PCDH11X: variants seen among roughly 807,000 people sequenced by gnomAD.
PCDH11X encodes the protein protocadherin-11 X-linked.
Under a neutral mutation model 53.3 loss-of-function variants are expected in PCDH11X, and 18 were observed. The observed-to-expected ratio is 0.34, with a 90% CI of 0.23 to 0.50. The LOEUF is 0.50. PCDH11X is among the 20% of genes least tolerant of loss of function. The pLI, the probability that PCDH11X is intolerant of heterozygous loss-of-function variation, is 0.98. For synonymous variants in PCDH11X, 279 were observed against 393.3 expected (o/e 0.71, Z 3.44); for missense variants, 570 against 1,032.4 (o/e 0.55, Z 6.14).
intron 8 of PCDH11X, among the ~76,000 whole-genome samples, chrX:92,293,784 C>T (rs926958833): frequency 1.1e-4 from 12 of 106,655 alleles, no homozygotes; most frequent in Admixed American, 1.1e-3. Context: ...CTAACTAGTA[C>T]TTCTCAAAAC....
intron 4 of PCDH11X, among the ~76,000 whole-genome samples, chrX:91,832,615 C>A (rs1937152639): frequency 9.4e-6 from 1 of 106,312 alleles, no homozygotes; most frequent in Non-Finnish European, 1.9e-5. Flanking sequence ...GCATGTTGTG[C>A]ACATGTACCC....
chrX:92,051,660 A>C (rs1484494685), intron 6 of PCDH11X, among the ~76,000 whole-genome samples: 2 of 111,778 alleles, frequency 1.8e-5, no homozygotes, highest in Non-Finnish European at 3.8e-5. Flanking sequence ...CTAAGATTGT[A>C]TGATATTGGT....
At chrX:92,032,531 G>A (rs1214160567) in intron 6 of PCDH11X, among the ~76,000 whole-genome samples, 1 of 110,826 alleles carries the variant, frequency 9.0e-6, no homozygotes, top group Non-Finnish European at 1.9e-5. Flanking sequence ...AATAACAATG[G>A]TTAAAGTGGG....
Position 91,989,258 on chromosome X carries a change from A to T in PCDH11X, c.3033+109985A>T, listed in dbSNP as rs1396230842. ...ACATTTCTTGTGAAAAAAAAAAAGA[A>T]AAGAGAAAGAAGAAGAAAAGAAGGC... On this transcript the variant is annotated intron_variant, in intron 6 of 10. Transcript: ENST00000682573. 2.3e-4 allele frequency among the ~76,000 whole-genome samples: 26 copies of T among 111,408 alleles called. No homozygotes were observed. In the Admixed American group the frequency reaches 2.5e-3, roughly 11 times the overall value.
rs1198352578 is a variant in PCDH11X, at chrX:92,451,774, G to A, written c.3344-16525G>A. 7.2e-5 allele frequency among the ~76,000 whole-genome samples: 8 copies of A among 111,676 alleles called. No individual in the cohort carries two copies. In the Admixed American group the frequency reaches 7.7e-4, roughly 11 times the overall value. Reference sequence around the variant, plus strand: ...TGTAGTTGACTGCTTAACAGTATTCGATGATCAGAGAATACTTTAGTAGAC... The same window carrying A: ...TGTAGTTGACTGCTTAACAGTATTCAATGATCAGAGAATACTTTAGTAGAC... On this transcript the variant is annotated intron_variant, in intron 9 of 10. Transcript: ENST00000682573.
chrX:92,529,104 G>T, intron 10 of PCDH11X, among the ~76,000 whole-genome samples: 1 of 111,366 alleles, frequency 9.0e-6, no homozygotes, highest in South Asian at 3.8e-4. Context: ...CATTTTTATG[G>T]GTTTATAGGA....
intron 10 of PCDH11X, among the ~76,000 whole-genome samples, chrX:92,599,592 C>A (rs1926019621): frequency 8.9e-6 from 1 of 112,123 alleles, no homozygotes; most frequent in Non-Finnish European, 1.9e-5. Flanking sequence ...CATTAAACTT[C>A]TTTTTCTTTT....
intron 6 of PCDH11X, among the ~76,000 whole-genome samples, chrX:92,066,421 A>G (rs2063609132): frequency 9.9e-6 from 1 of 100,845 alleles, no homozygotes; most frequent in South Asian, 4.9e-4. Flanking sequence ...TTGAATCTGT[A>G]AATTCCTTTG....
intron 6 of PCDH11X, among the ~76,000 whole-genome samples, chrX:92,026,534 T>C (rs2062972454): frequency 1.9e-5 from 2 of 107,738 alleles, no homozygotes; most frequent in South Asian, 8.2e-4. Context: ...TAAGAGAAAA[T>C]GATAGGGGTT....
chrX:92,147,184 A>T, intron 6 of PCDH11X, among the ~76,000 whole-genome samples: 1 of 108,720 alleles, frequency 9.2e-6, no homozygotes, highest in Non-Finnish European at 1.9e-5. Flanking sequence ...TAATTCTTCA[A>T]ACCGTTAGCA....
chrX:92,163,908 T>C (rs929180905), intron 6 of PCDH11X, among the ~76,000 whole-genome samples: 4 of 110,941 alleles, frequency 3.6e-5, no homozygotes, highest in Non-Finnish European at 7.5e-5. Flanking sequence ...ATTTTACAAC[T>C]TCAAAATAAC....
chrX:91,818,433 C>T (rs1175585226), intron 4 of PCDH11X, among the ~76,000 whole-genome samples: 2 of 110,592 alleles, frequency 1.8e-5, no homozygotes, highest in Non-Finnish European at 3.8e-5. Flanking sequence ...GGCACGATGG[C>T]TCACGCCTGT....
intron 10 of PCDH11X, among the ~76,000 whole-genome samples, chrX:92,528,866 T>C: frequency 9.0e-6 from 1 of 110,671 alleles, no homozygotes; most frequent in Non-Finnish European, 1.9e-5. Flanking sequence ...ACCCAGAAAA[T>C]AAGGTGCATG....
chrX:92,205,204 T>G (rs1340285207), intron 7 of PCDH11X, among the ~76,000 whole-genome samples: 1 of 112,131 alleles, frequency 8.9e-6, no homozygotes, highest in Non-Finnish European at 1.9e-5. Context: ...GTCCAATCTC[T>G]TTCACTGTAA....
intron 7 of PCDH11X, among the ~76,000 whole-genome samples, chrX:92,215,365 C>T (rs776353974): frequency 1.8e-4 from 19 of 107,122 alleles, no homozygotes; most frequent in South Asian, 4.2e-4. Context: ...TGCGCTTTTC[C>T]GATGAGCTTA....
chrX:92,131,979 A>G (rs773511277), intron 6 of PCDH11X, among the ~76,000 whole-genome samples: 2 of 108,485 alleles, frequency 1.8e-5, no homozygotes, highest in East Asian at 2.9e-4. Context: ...AGCTTTTAAT[A>G]TTTAACTGGT....
chrX:92,484,582 C>T (rs1465381538), intron 10 of PCDH11X, among the ~76,000 whole-genome samples: 1 of 109,609 alleles, frequency 9.1e-6, no homozygotes. Flanking sequence ...GCATTTGCAG[C>T]AGCCCGGATG....
At chrX:91,976,802 G>A (rs2062052717) in intron 6 of PCDH11X, among the ~76,000 whole-genome samples, 1 of 111,708 alleles carries the variant, frequency 9.0e-6, no homozygotes, top group African/African-American at 3.3e-5. Context: ...CTTAAATTGT[G>A]TGTTTAAATT....
intron 6 of PCDH11X, among the ~76,000 whole-genome samples, chrX:91,977,042 A>G (rs1451154545): frequency 1.8e-5 from 2 of 110,113 alleles, no homozygotes; most frequent in Non-Finnish European, 3.8e-5. Flanking sequence ...AAGTATCTGT[A>G]CTTCCTCATT....
Sources: gnomAD v4.1 joint callset for allele counts (sites outside exome capture counted in the v4.1 genomes callset) on GRCh38, gnomAD v4.1.1 for gene constraint, MANE v1.5 for transcripts, NCBI Gene and HGNC (gene_info 2026-07-23, HGNC 2026-07-21) for gene names.